Variants in JPH3 observed in about 807,000 individuals in gnomAD.
JPH3 encodes junctophilin-3.
JPH3 carries 11 observed loss-of-function variants against 59.6 expected under a neutral mutation model. That is an observed-to-expected ratio of 0.18 (90% CI 0.12 to 0.31). JPH3 has a LOEUF of 0.31. JPH3 is among the 10% of genes least tolerant of loss of function. The pLI, the probability that JPH3 is intolerant of heterozygous loss-of-function variation, is 1.00. For missense variants in JPH3, 1,202 were observed against 1,105.7 expected (o/e 1.09, Z -1.24); for synonymous variants, 673 against 483.6 (o/e 1.39, Z -5.14).
intron 2 of JPH3, among the ~76,000 whole-genome samples, chr16:87,663,319 G>C (rs148024386): frequency 6.6e-6 from 1 of 152,062 alleles, no homozygotes; most frequent in Non-Finnish European, 1.5e-5. Flanking sequence ...CGTTGGTCAG[G>C]CTGGTCTCAA....
At chr16:87,675,003 C>T (rs2033108579) in intron 2 of JPH3, among the ~76,000 whole-genome samples, 1 of 152,116 alleles carries the variant, frequency 6.6e-6, no homozygotes, top group South Asian at 2.1e-4. Context: ...CTCAGGTGAT[C>T]CACCAGCCTC....
At chr16:87,617,268 T>G (rs2150826615) in intron 1 of JPH3, among the ~76,000 whole-genome samples, 1 of 152,244 alleles carries the variant, frequency 6.6e-6, no homozygotes, top group South Asian at 2.1e-4. Flanking sequence ...AAAATAGTCC[T>G]TTCTTTCTTA....
At chr16:87,655,654 A>G (rs1380904566) in intron 2 of JPH3, among the ~76,000 whole-genome samples, 2 of 152,236 alleles carry the variant, frequency 1.3e-5, no homozygotes, top group East Asian at 1.9e-4. Context: ...TGCCTGGCCA[A>G]TAATGTTCTA....
At chr16:87,677,181 TATATAC>T (rs1413650243) in intron 2 of JPH3, among the ~76,000 whole-genome samples, 8 of 72,596 alleles carry the variant, frequency 1.1e-4, no homozygotes, top group Admixed American at 3.3e-4. Flanking sequence ...GCACTATATA[TATATAC>T]ACACACACAC....
intron 1 of JPH3, among the ~76,000 whole-genome samples, chr16:87,613,025 C>CA (rs1412838800): frequency 6.8e-6 from 1 of 147,202 alleles, no homozygotes; most frequent in Non-Finnish European, 1.5e-5. Flanking sequence ...GACTCCGTCT[C>CA]AAAAAAAATA....
In JPH3 at chr16:87,678,550, C is replaced by A. The variant is rs568659754; in HGVS notation, c.1161-5592C>A. Among the ~76,000 whole-genome samples the A allele has an allele frequency of 2.3e-3, 350 of 151,934 alleles. 4 individuals carry two copies. The highest frequency in any genetic ancestry group is 1.5e-3 in the East Asian group (8 of 5,176). On this transcript the variant is annotated intron_variant, in intron 2 of 4. Coordinates refer to ENST00000284262, the MANE Select transcript of JPH3 (RefSeq NM_020655.4). ...CCAGACTCCATCACACACACACACA[C>A]AATATATATATATGTGTGTGTCTGT...
chr16:87,690,559 G>A (rs767738197), intron 4 of JPH3, 33 bp downstream of exon 4: 14 of 1,442,686 alleles, frequency 9.7e-6, no homozygotes, highest in Non-Finnish European at 1.2e-5. Flanking sequence ...GGTCCCAGTG[G>A]AGGCAACATC....
At chr16:87,627,209 C>A (rs975716081) in intron 1 of JPH3, among the ~76,000 whole-genome samples, 3 of 152,094 alleles carry the variant, frequency 2.0e-5, no homozygotes, top group Admixed American at 1.3e-4. Context: ...GCATTAGGGC[C>A]CCTGGAGGTT....
At chr16:87,645,263 G>T (rs866696081) in intron 2 of JPH3, among the ~76,000 whole-genome samples, 1 of 152,226 alleles carries the variant, frequency 6.6e-6, no homozygotes, top group Admixed American at 6.5e-5. Flanking sequence ...TGGGGGTGTA[G>T]AGGCCTACAG....
intron 4 of JPH3, among the ~76,000 whole-genome samples, chr16:87,692,109 GCAT>G (rs1410920554): frequency 6.6e-6 from 1 of 152,110 alleles, no homozygotes; most frequent in Non-Finnish European, 1.5e-5. Flanking sequence ...GTCAGCTGCA[GCAT>G]CATGTCCCAC....
chr16:87,634,948 CAGTA>C (rs1419503662), intron 1 of JPH3, among the ~76,000 whole-genome samples: 2 of 152,224 alleles, frequency 1.3e-5, no homozygotes. Flanking sequence ...TAAGTGGACA[CAGTA>C]AGAGTGCTGA....
chr16:87,603,625 G>C (rs2030356282), intron 1 of JPH3, 97 bp downstream of exon 1: 6 of 1,418,828 alleles, frequency 4.2e-6, no homozygotes, highest in Non-Finnish European at 5.6e-6. Flanking sequence ...TGCGTCCTCC[G>C]GTTGGGCCGT....
chr16:87,686,020 CA>C (rs919043846), intron 3 of JPH3, among the ~76,000 whole-genome samples: 16 of 152,270 alleles, frequency 1.1e-4, no homozygotes, highest in African/African-American at 2.9e-4. Context: ...GAGGAGGAGA[CA>C]GGGGCGGATG....
chr16:87,689,538 G>C, intron 3 of JPH3, 108 bp from the exon 4 acceptor site: 1 of 1,184,562 alleles, frequency 8.4e-7, no homozygotes, highest in Non-Finnish European at 1.2e-6. Flanking sequence ...AGTGGGAAGC[G>C]CCTCTGCTGC....
intron 1 of JPH3, among the ~76,000 whole-genome samples, chr16:87,623,105 A>C (rs903805852): frequency 5.3e-5 from 8 of 152,162 alleles, no homozygotes; most frequent in African/African-American, 1.9e-4. Flanking sequence ...TCAATGGAGG[A>C]GTCCACTCTG....
At chr16:87,635,498 C>T (rs117955993) in intron 1 of JPH3, among the ~76,000 whole-genome samples, 6 of 152,292 alleles carry the variant, frequency 3.9e-5, no homozygotes, top group East Asian at 3.9e-4. Context: ...CTCTGGCTTT[C>T]GGACCCAGAC....
intron 4 of JPH3, 145 bp from the exon 5 acceptor site, chr16:87,696,435 G>C (rs8053904): frequency 0.39 from 259,706 of 671,490 alleles, 52,747 homozygotes; most frequent in African/African-American, 0.57. Context: ...TGGGCCTTTG[G>C]TGTCCAAGCG....
chr16:87,639,426 T>C (rs1409065022), intron 1 of JPH3, among the ~76,000 whole-genome samples: 1 of 152,210 alleles, frequency 6.6e-6, no homozygotes, highest in African/African-American at 2.4e-5. Context: ...ACTTTAAACG[T>C]TGAGGGAAAA....
Position 87,642,246 on chromosome 16 carries a change from A to AG in JPH3, c.383-2003dup, listed in dbSNP as rs1378602955. 2.0e-3 allele frequency among the ~76,000 whole-genome samples: 148 copies of AG among 73,990 alleles called. 1 individual carries two copies. Among genetic ancestry groups the AG allele is most frequent in the Middle Eastern group, 0.019 (3 of 160 alleles). The allele number at this position is 73,990 out of a possible 152,430, so 48.5% of individuals were successfully genotyped here. ...GAGTGGAGGGGGCCTGGCTAGGGAA[A>AG]GGGGGGGGGCAGTGGGGAGTGGAGG... On this transcript the variant is annotated intron_variant, in intron 1 of 4. Coordinates refer to ENST00000284262, the MANE Select transcript of JPH3 (RefSeq NM_020655.4).
Sources: gnomAD v4.1 joint callset for allele counts (sites outside exome capture counted in the v4.1 genomes callset) on GRCh38, gnomAD v4.1.1 for gene constraint, MANE v1.5 for transcripts, NCBI Gene and HGNC (gene_info 2026-07-23, HGNC 2026-07-21) for gene names.